The following MCM4 variants were observed in gnomAD, a reference collection of about 807,000 sequenced individuals.
MCM4 encodes the protein minichromosome maintenance complex component 4.
Under a neutral mutation model 88.7 loss-of-function variants are expected in MCM4, and 60 were observed. That is an observed-to-expected ratio of 0.68 (90% CI 0.55 to 0.84). The LOEUF (loss-of-function observed/expected upper bound fraction) is 0.84, where lower values mean the gene tolerates loss of function less well. MCM4 is among the 40% of genes least tolerant of loss of function. MCM4 has a pLI of 0.00. For synonymous variants in MCM4, 465 were observed against 410.5 expected, an observed-to-expected ratio of 1.13 and a Z score of -1.61; for missense variants, 1,149 against 1,105.5, an observed-to-expected ratio of 1.04 and a Z score of -0.56.
At chr8:47,972,235 CAAAAAA>C (rs779237498) in intron 13 of MCM4, among the ~76,000 whole-genome samples, 2 of 62,034 alleles carry the variant, frequency 3.2e-5, no homozygotes. Context: ...GACTCTGTCT[CAAAAAA>C]AAAAAAAAAA....
chr8:47,964,495 C>T (rs986313949), intron 7 of MCM4, 79 bp from the exon 8 acceptor site: 5 of 1,115,386 alleles, frequency 4.5e-6, no homozygotes, highest in Non-Finnish European at 6.3e-6. Flanking sequence ...TCTTTTTATA[C>T]TTTGCTAATC....
chr8:47,961,622 G>A lies in MCM4; in HGVS notation c.177G>A (p.Leu59=). ...QPMPTSPGVD[L]QSPAAQDVLF... is the part of the protein sequence containing the mutation. The stretch of plus-strand genomic sequence containing the variant: ...TGCCAACCTCGCCTGGAGTGGACCT[G>A]CAGAGCCCTGCTGCGCAGGACGTGC... Residue 59 remains leucine, a synonymous_variant, in exon 3 of 17, where the codon CTG becomes CTA. Transcript: ENST00000649973. 6.2e-7 allele frequency: 1 copy of A among 1,614,164 alleles called. No homozygotes were observed.
chr8:47,967,549 G>A, intron 10 of MCM4, 64 bp downstream of exon 10: 1 of 1,602,980 alleles, frequency 6.2e-7, no homozygotes, highest in South Asian at 1.1e-5. Context: ...CTGTGCTTTA[G>A]TGAGTCATTG....
chr8:47,976,446 A>G (rs758579326), intron 16 of MCM4, among the ~76,000 whole-genome samples: 1 of 152,140 alleles, frequency 6.6e-6, no homozygotes, highest in Non-Finnish European at 1.5e-5. Flanking sequence ...TCCACTTTCC[A>G]TCGCTGTGTT....
At position 47,962,779 on chromosome 8, in the gene MCM4, T is replaced by A; in HGVS notation, c.517T>A (p.Phe173Ile). 1 of 1,604,462 alleles carries A rather than the reference T, an allele frequency of 6.2e-7. No homozygotes were observed. The highest frequency in any genetic ancestry group is 8.5e-7 in the Non-Finnish European group (1 of 1,177,048). The change falls in exon 6 of 17, where the codon TTT becomes ATT. Residue 173 changes from phenylalanine (F) to isoleucine (I), a missense_variant. By Grantham distance (21) the Phe-to-Ile change is conservative. Transcript: ENST00000649973. Reference protein sequence around the residue: ...KENFQRFLQRFIDPLAKEEEN... With the variant: ...KENFQRFLQRIIDPLAKEEEN... ...CCACTTAAAGAGATTTCTTCAGCGT[T>A]TTATTGACCCTCTGGCTAAAGAAGA...
chr8:47,963,214 A>G (rs2090863587), intron 7 of MCM4, among the ~76,000 whole-genome samples, 174 bp downstream of exon 7: 1 of 152,214 alleles, frequency 6.6e-6, no homozygotes, highest in Non-Finnish European at 1.5e-5. Flanking sequence ...GCACTTTAGG[A>G]CGCCGAGGCA....
At chr8:47,964,835 A>T in intron 8 of MCM4, 123 bp downstream of exon 8, 1 of 753,906 alleles carries the variant, frequency 1.3e-6, no homozygotes, top group Non-Finnish European at 2.1e-6. Flanking sequence ...GACGGATTAT[A>T]AATTGACAAT....
Position 47,974,937 on chromosome 8 carries a change from C to T in MCM4, c.2340C>T (p.Ile780=), listed in dbSNP as rs753796679. 3.5e-5 allele frequency: 56 copies of T among 1,613,960 alleles called. No individual in the cohort carries two copies. Among genetic ancestry groups the T allele is most frequent in the Admixed American group, 5.0e-5 (3 of 59,986 alleles). The change falls in exon 15 of 17, where the codon ATC becomes ATT. Residue 780 remains isoleucine (I), a synonymous_variant. Coordinates refer to ENST00000649973, the MANE Select transcript of MCM4 (RefSeq NM_182746.3). ...CTGCAACTGATCCCCGGACTGGCAT[C>T]GTGGACATATCTATTCTTACTACGG... is the stretch of plus-strand genomic sequence containing the variant. ...KQSATDPRTG[I]VDISILTTGM... is the part of the protein sequence containing the mutation.
rs1554650267 is a variant in MCM4 at position 47,975,810 on chromosome 8, C to T, written c.2461C>T (p.Gln821Ter). The T allele has an allele frequency of 3.7e-5, 58 of 1,584,314 alleles. No homozygotes were observed. Among genetic ancestry groups the T allele is most frequent in the Non-Finnish European group, 4.9e-5 (57 of 1,169,128 alleles). The part of the protein sequence containing the change: ...SKGKTPALKY[Q>*]QLFEDIRGQS... ...GGGCAAAACACCAGCTCTAAAATACCAGCAACTTTTTGAAGATATTCGGGG... is the reference window on the plus strand; with the variant it reads ...GGGCAAAACACCAGCTCTAAAATACTAGCAACTTTTTGAAGATATTCGGGG... The change falls in exon 16 of 17, where the codon CAG becomes TAG. Residue 821 changes from glutamine (Q) to a stop codon, truncating the protein, a stop_gained. Coordinates refer to ENST00000649973, the MANE Select transcript of MCM4 (RefSeq NM_182746.3). LOFTEE classifies it high-confidence loss of function.
chr8:47,965,394 T>G (rs2090889593), intron 8 of MCM4, among the ~76,000 whole-genome samples: 3 of 152,130 alleles, frequency 2.0e-5, no homozygotes, highest in African/African-American at 7.2e-5. Flanking sequence ...TACTTGAGCC[T>G]GGCAGGTTGA....
At chr8:47,967,556 A>T in intron 10 of MCM4, 71 bp downstream of exon 10, 1 of 1,594,870 alleles carries the variant, frequency 6.3e-7, no homozygotes. Context: ...TTAGTGAGTC[A>T]TTGGACTTGG....
chr8:47,969,597 C>G (rs1399398122), intron 10 of MCM4: 5 of 585,996 alleles, frequency 8.5e-6, no homozygotes, highest in Non-Finnish European at 1.2e-5. Context: ...CCTGCTTGCT[C>G]ATAGCAAGCG....
In MCM4 at chr8:47,974,884, C is replaced by T. The variant is rs762148669; in HGVS notation, c.2287C>T (p.Arg763Cys). 45 of 1,614,114 alleles carry T rather than the reference C, an allele frequency of 2.8e-5. No individual in the cohort carries two copies. Among genetic ancestry groups the T allele is most frequent in the Non-Finnish European group, 3.6e-5 (43 of 1,180,050 alleles). Residue 763 changes from arginine to cysteine, a missense_variant, in exon 15 of 17, where the codon CGC becomes TGC. Arg to Cys is a radical substitution (Grantham distance 180). Coordinates refer to ENST00000649973, the MANE Select transcript of MCM4 (RefSeq NM_182746.3). Reference sequence around the variant, plus strand: ...AGCCATTGATGTGGAAGAGGCCAAACGCCTCCATCGGGAAGCTCTGAAGCA... The same window carrying T: ...AGCCATTGATGTGGAAGAGGCCAAATGCCTCCATCGGGAAGCTCTGAAGCA... The part of the protein sequence containing the change: ...VEAIDVEEAK[R>C]LHREALKQSA...
chr8:47,969,802 C>T lies in MCM4; in HGVS notation c.1179C>T (p.Ile393=), dbSNP rs369607097. The change falls in exon 11 of 17, where the codon ATC becomes ATT. Residue 393 remains isoleucine (I), a synonymous_variant. Coordinates refer to ENST00000649973, the MANE Select transcript of MCM4 (RefSeq NM_182746.3). Reference sequence around the variant, plus strand: ...ATCTCCTGGTTGTGCCCTCAGGCATCTATCGAGCTGTGCCTATTCGAGTCA... The same window carrying T: ...ATCTCCTGGTTGTGCCCTCAGGCATTTATCGAGCTGTGCCTATTCGAGTCA... ...QPGDRVNVTG[I]YRAVPIRVNP... The T allele has an allele frequency of 1.9e-6, 3 of 1,613,896 alleles. No individual in the cohort carries two copies. Among genetic ancestry groups the T allele is most frequent in the Admixed American group, 1.7e-5 (1 of 60,010 alleles).
At chr8:47,961,931 C>T (rs1341545306) in intron 3 of MCM4, 122 bp from the exon 4 acceptor site, 1 of 1,000,866 alleles carries the variant, frequency 1.0e-6, no homozygotes, top group Non-Finnish European at 1.5e-6. Context: ...AGAATCTCAG[C>T]CACCGCAGGT....
In MCM4 at chr8:47,962,876, T is replaced by C. The variant is rs762414815; in HGVS notation, c.597+17T>C. ...CTTGGGGAGGTAATCAAATACTCTTTAAATTCAAGTTACGTGTTTTAAAAT... is the reference window on the plus strand; with the variant it reads ...CTTGGGGAGGTAATCAAATACTCTTCAAATTCAAGTTACGTGTTTTAAAAT... On this transcript the variant is annotated intron_variant, in intron 6 of 16. Coordinates refer to ENST00000649973, the MANE Select transcript of MCM4 (RefSeq NM_182746.3). The C allele has an allele frequency of 7.0e-6, 11 of 1,582,640 alleles. 1 individual carries two copies. In the African/African-American group the frequency reaches 1.5e-4, roughly 22 times the overall value.
Position 47,971,366 on chromosome 8 carries a change from C to T in MCM4, c.1826C>T (p.Ala609Val), listed in dbSNP as rs1374301498. ...GCTGGGATCATCTGTCAGCTCAATG[C>T]GCGCACCTCTGTCCTGGCAGCAGCA... is the stretch of plus-strand genomic sequence containing the variant. Reference protein sequence around the residue: ...AKAGIICQLNARTSVLAAANP... With the variant: ...AKAGIICQLNVRTSVLAAANP... Residue 609 changes from alanine to valine, a missense_variant, in exon 13 of 17, where the codon GCG (alanine) becomes GTG (valine). This residue lies in a region of MCM4 where 906 missense variants were observed against 843.0 expected (regional missense o/e 1.07). Transcript: ENST00000649973. 8 of 1,614,114 alleles carry T rather than the reference C, an allele frequency of 5.0e-6. No homozygotes were observed. The highest frequency in any genetic ancestry group is 1.6e-4 in the Middle Eastern group (1 of 6,062).
At position 47,961,203 on chromosome 8, in the gene MCM4, C is replaced by G. The variant is rs931085507; in HGVS notation, c.59C>G (p.Pro20Arg). ...RRGSRRGRAT[P>R]AQTPRSEDAR... ...GGCAGCCGGCGTGGAAGGGCCACCC[C>G]CGCCCAGACGCGTGAGTCCCCCGAG... The change falls in exon 2 of 17, where the codon CCC (proline) becomes CGC (arginine). Residue 20 changes from proline to arginine, a missense_variant. By Grantham distance (103) the Pro-to-Arg change is moderately radical (BLOSUM62 -2). Transcript: ENST00000649973. The G allele has an allele frequency of 2.0e-6, 3 of 1,525,266 alleles. No individual in the cohort carries two copies. The highest frequency in any genetic ancestry group is 2.6e-6 in the Non-Finnish European group (3 of 1,144,974). 94.5% of individuals were successfully genotyped at this position (1,525,266 alleles called of 1,614,324 possible).
intron 13 of MCM4, 124 bp from the exon 14 acceptor site, chr8:47,972,733 T>C: frequency 1.5e-6 from 1 of 675,294 alleles, no homozygotes; most frequent in East Asian, 2.8e-5. Context: ...ATTGTTGCAT[T>C]TTTAGTAGAG....
Sources: allele counts gnomAD v4.1 joint callset (sites outside exome capture counted in the v4.1 genomes callset), GRCh38; gene constraint gnomAD v4.1.1; regional missense constraint gnomAD v4.1.1; transcripts MANE v1.5; gene names NCBI Gene and HGNC (gene_info 2026-07-23, HGNC 2026-07-21).